Variants in TDP2 observed in about 807,000 individuals in gnomAD.
TDP2 encodes tyrosyl-DNA phosphodiesterase 2, also known as 5'-Tyr-DNA phosphodiesterase.
A neutral mutation model predicts 42.8 loss-of-function variants in TDP2; 38 were observed. The observed-to-expected ratio is 0.89, with a 90% CI of 0.68 to 1.16. TDP2 has a LOEUF of 1.16. TDP2 is among the 50% of genes most tolerant of loss of function. The pLI is 0.00. For synonymous variants in TDP2, 173 were observed against 150.6 expected, an observed-to-expected ratio of 1.15 and a Z score of -1.09; for missense variants, 439 against 439.3, an observed-to-expected ratio of 1.00 and a Z score of 0.01.
intron 2 of TDP2, among the ~76,000 whole-genome samples, chr6:24,660,775 T>A (rs1053782825): frequency 6.6e-6 from 1 of 152,120 alleles, no homozygotes; most frequent in Non-Finnish European, 1.5e-5. Flanking sequence ...TTTTCTTCAA[T>A]CCAGAAAAGT....
intron 4 of TDP2, among the ~76,000 whole-genome samples, chr6:24,656,732 A>G (rs1778066575): frequency 6.6e-6 from 1 of 152,174 alleles, no homozygotes; most frequent in African/African-American, 2.4e-5. Context: ...GAAAACATCT[A>G]TTTACCCAGA....
rs142438588 is a variant in TDP2 at position 24,650,928 on chromosome 6, G to A, written c.949C>T (p.Arg317Ter). ...TCTGCTGCTGCTCTGAAAAATATTCGATCAAAACGAAGTTTACAAGCAGCA... is the reference window on the plus strand; with the variant it reads ...TCTGCTGCTGCTCTGAAAAATATTCAATCAAAACGAAGTTTACAAGCAGCA... ...ITAACKLRFDRIFFRAAAEEG... is the reference protein window; with the variant it reads ...ITAACKLRFD Residue 317 changes from arginine to a stop codon, truncating the protein, a stop_gained, in exon 7 of 7, where the codon CGA becomes TGA. Transcript: ENST00000378198. LOFTEE classifies it high-confidence loss of function. 52 of 1,613,930 alleles carry A rather than the reference G, an allele frequency of 3.2e-5. No individual in the cohort carries two copies. Among genetic ancestry groups the A allele is most frequent in the Middle Eastern group, 1.6e-4 (1 of 6,084 alleles).
chr6:24,653,365 C>T (rs1319302834), intron 5 of TDP2, among the ~76,000 whole-genome samples: 1 of 152,218 alleles, frequency 6.6e-6, no homozygotes, highest in African/African-American at 2.4e-5. Flanking sequence ...GACCTACCCC[C>T]AGATGTCACC....
chr6:24,651,124 TAAAA>T (rs11370284), intron 6 of TDP2, 55 bp from the exon 7 acceptor site: 191 of 994,672 alleles, frequency 1.9e-4, no homozygotes, highest in Admixed American at 3.7e-4. Context: ...CCCACTAACT[TAAAA>T]AAAAAAAAAA....
chr6:24,664,495 G>C (rs1369919015), intron 2 of TDP2, among the ~76,000 whole-genome samples: 1 of 151,846 alleles, frequency 6.6e-6, no homozygotes, highest in African/African-American at 2.4e-5. Flanking sequence ...CAGAGACACT[G>C]AAGATAGATT....
intron 2 of TDP2, among the ~76,000 whole-genome samples, chr6:24,664,592 G>A (rs559604260): frequency 6.6e-6 from 1 of 152,184 alleles, no homozygotes; most frequent in South Asian, 2.1e-4. Flanking sequence ...AGATTCCTGC[G>A]CCATTCATTT....
rs758789376 is a variant in TDP2, at chr6:24,666,622, A to G, written c.166-11T>C. 54 of 1,614,242 alleles carry G rather than the reference A, an allele frequency of 3.3e-5. No individual in the cohort carries two copies. The East Asian group carries it at 1.2e-3, about 35-fold the overall frequency. On this transcript the variant is annotated splice_polypyrimidine_tract_variant and intron_variant, in intron 1 of 6. Coordinates refer to ENST00000378198, the MANE Select transcript of TDP2 (RefSeq NM_016614.3). ...GGAGTTCAGAGCCCTCTGAAAAACA[A>G]AGGCACAAGGGATGAGGTTTGTGCG... is the stretch of plus-strand genomic sequence containing the variant.
intron 3 of TDP2, among the ~76,000 whole-genome samples, chr6:24,658,318 C>T (rs1024386917): frequency 4.6e-5 from 7 of 152,142 alleles, no homozygotes; most frequent in Admixed American, 1.3e-4. Flanking sequence ...TTTAATTTCA[C>T]GTAGTTACGA....
intron 2 of TDP2, among the ~76,000 whole-genome samples, chr6:24,664,793 T>C (rs1428717154): frequency 6.6e-6 from 1 of 152,116 alleles, no homozygotes; most frequent in African/African-American, 2.4e-5. Flanking sequence ...CTTTAAAACC[T>C]CACTCTCATT....
chr6:24,655,762 C>T (rs1778052515), intron 4 of TDP2, among the ~76,000 whole-genome samples: 2 of 152,182 alleles, frequency 1.3e-5, no homozygotes, highest in South Asian at 4.1e-4. Flanking sequence ...GCACACCACC[C>T]CAGTCCCAAC....
intron 2 of TDP2, among the ~76,000 whole-genome samples, chr6:24,663,760 C>T (rs1778190623): frequency 6.6e-6 from 1 of 152,188 alleles, no homozygotes; most frequent in South Asian, 2.1e-4. Context: ...GAGGCTGGGG[C>T]CATGCTTCCA....
chr6:24,655,727 T>C (rs926658879), intron 4 of TDP2, among the ~76,000 whole-genome samples: 2 of 152,194 alleles, frequency 1.3e-5, no homozygotes, highest in South Asian at 2.1e-4. Flanking sequence ...TCCCCTCACC[T>C]GCTTCCAGAA....
At chr6:24,665,235 T>C (rs898750881) in intron 2 of TDP2, among the ~76,000 whole-genome samples, 4 of 152,166 alleles carry the variant, frequency 2.6e-5, no homozygotes, top group African/African-American at 9.7e-5. Flanking sequence ...TCCTCACAGG[T>C]GCTAAGTTAA....
intron 2 of TDP2, chr6:24,658,947 C>T (rs997037845): frequency 7.5e-5 from 40 of 532,516 alleles, no homozygotes; most frequent in Admixed American, 1.7e-4. Context: ...CTTCTTTGTA[C>T]GGAAAGTCAT....
chr6:24,651,160 G>A (rs3181244), intron 6 of TDP2, 91 bp from the exon 7 acceptor site: 149,469 of 1,040,718 alleles, frequency 0.14, 12,049 homozygotes, highest in South Asian at 0.23. Context: ...TGCTATTACC[G>A]TGCAAGAAAT....
At chr6:24,652,849 G>T in intron 6 of TDP2, 134 bp downstream of exon 6, 1 of 931,772 alleles carries the variant, frequency 1.1e-6, no homozygotes, top group Non-Finnish European at 1.7e-6. Flanking sequence ...ACAAATATTC[G>T]CTGAATTGCA....
chr6:24,666,770 C>G lies in TDP2; in HGVS notation c.93G>C (p.Glu31Asp), dbSNP rs1439730417. ...CATCGCAGCTTGCGACCGAGGCAAA[C>G]TCCACACACAGAAGTCGCCGCTTTT... is the stretch of plus-strand genomic sequence containing the variant. Reference protein sequence around the residue: ...EVKKRRLLCVEFASVASCDAA... With the variant: ...EVKKRRLLCVDFASVASCDAA... Residue 31 changes from glutamate (E) to aspartate (D), a missense_variant, in exon 1 of 7, where the codon GAG becomes GAC. Physicochemically the swap from Glu to Asp is conservative, Grantham distance 45 (BLOSUM62 2). Coordinates refer to ENST00000378198, the MANE Select transcript of TDP2 (RefSeq NM_016614.3). The G allele has an allele frequency of 6.2e-7, 1 of 1,614,278 alleles. No individual in the cohort carries two copies. The highest frequency in any genetic ancestry group is 2.2e-5 in the East Asian group (1 of 44,886).
Position 24,666,542 on chromosome 6 carries a change from A to C in TDP2, c.235T>G (p.Ser79Ala). The C allele has an allele frequency of 6.2e-7, 1 of 1,614,056 alleles. No individual in the cohort carries two copies. Among genetic ancestry groups the C allele is most frequent in the Non-Finnish European group, 8.5e-7 (1 of 1,179,936 alleles). ...SALERRPETI[S>A]EPKTYVDLTN... ...ATCACTTACTAGGTCTTGGGCTCAG[A>C]GATGGTTTCAGGTCGGCGTTCCAAG... The change falls in exon 2 of 7, where the codon TCT becomes GCT. Residue 79 changes from serine (S) to alanine (A), a missense_variant. Physicochemically the swap from Ser to Ala is moderately conservative, Grantham distance 99. Coordinates refer to ENST00000378198, the MANE Select transcript of TDP2 (RefSeq NM_016614.3).
chr6:24,653,072 G>A lies in TDP2; in HGVS notation c.718C>T (p.Gln240Ter). ...ATTTTCTTTAAAACCATTTTTAACTGATTCATTCGTTCCGCAGCATGCCCT... is the reference window on the plus strand; with the variant it reads ...ATTTTCTTTAAAACCATTTTTAACTAATTCATTCGTTCCGCAGCATGCCCT... Reference protein sequence around the residue: ...TRGHAAERMNQLKMVLKKMQE... With the variant: ...TRGHAAERMN Residue 240 changes from glutamine (Q) to a stop codon, truncating the protein, a stop_gained, in exon 6 of 7, where the codon CAG becomes TAG. Coordinates refer to ENST00000378198, the MANE Select transcript of TDP2 (RefSeq NM_016614.3). LOFTEE classifies it high-confidence loss of function. 1.2e-6 allele frequency: 2 copies of A among 1,614,088 alleles called. No individual in the cohort carries two copies. The highest frequency in any genetic ancestry group is 1.7e-6 in the Non-Finnish European group (2 of 1,180,010).
Sources: allele counts gnomAD v4.1 joint callset (sites outside exome capture counted in the v4.1 genomes callset), GRCh38; gene constraint gnomAD v4.1.1; transcripts MANE v1.5; gene names NCBI Gene and HGNC (gene_info 2026-07-23, HGNC 2026-07-21).